Variants in PTGFRN observed in about 807,000 individuals in gnomAD.
PTGFRN encodes prostaglandin F2 receptor inhibitor, also known as prostaglandin F2 receptor negative regulator.
PTGFRN carries 35 observed loss-of-function variants against 83.2 expected under a neutral mutation model. That is an observed-to-expected ratio of 0.42 (90% CI 0.32 to 0.56). The LOEUF (loss-of-function observed/expected upper bound fraction) is 0.56. Ranked by LOEUF, PTGFRN falls within the 20% of genes least tolerant of loss-of-function variation. The probability of loss-of-function intolerance (pLI) is 0.11; values close to 1 mark genes in which losing one functional copy is unlikely to be tolerated. For synonymous variants in PTGFRN, 519 were observed against 498.6 expected (o/e 1.04, Z -0.55); for missense variants, 1,051 against 1,179.5 (o/e 0.89, Z 1.60).
At chr1:116,921,279 T>C (rs1423183912) in intron 1 of PTGFRN, among the ~76,000 whole-genome samples, 2 of 152,228 alleles carry the variant, frequency 1.3e-5, no homozygotes, top group Admixed American at 6.5e-5. Flanking sequence ...GAGAAGCGAA[T>C]ATTAGCTGAT....
rs963535440 is a variant in PTGFRN at position 116,910,155 on chromosome 1, G to A, written c.-49G>A. The A allele has an allele frequency of 6.6e-7, 1 of 1,516,040 alleles. No individual in the cohort carries two copies. Among genetic ancestry groups the A allele is most frequent in the Admixed American group, 2.0e-5 (1 of 49,998 alleles). The allele number at this position is 1,516,040 out of a possible 1,614,324, so 93.9% of individuals were successfully genotyped here. On this transcript the variant is annotated 5_prime_UTR_variant, in exon 1 of 9. Transcript: ENST00000393203. ...GAGCTGGAAGAGGAGGAGGAGGAGAGGCGGCGGGGAAGGAGGAGGAGGGGG... is the reference window on the plus strand; with the variant it reads ...GAGCTGGAAGAGGAGGAGGAGGAGAAGCGGCGGGGAAGGAGGAGGAGGGGG...
intron 3 of PTGFRN, among the ~76,000 whole-genome samples, chr1:116,948,130 G>A (rs1367754485): frequency 6.6e-6 from 1 of 152,214 alleles, no homozygotes; most frequent in Non-Finnish European, 1.5e-5. Context: ...TAGAAGGCCA[G>A]GGCTGTGCCT....
intron 2 of PTGFRN, among the ~76,000 whole-genome samples, chr1:116,943,084 T>C (rs1380906240): frequency 6.6e-6 from 1 of 152,212 alleles, no homozygotes; most frequent in Non-Finnish European, 1.5e-5. Flanking sequence ...ATGTATGTAA[T>C]TATCAGAAAG....
rs746091180 is a variant in PTGFRN, at chr1:116,961,015, G to C, written c.1214-228G>C. Among the ~76,000 whole-genome samples the C allele has an allele frequency of 6.6e-6, 1 of 152,122 alleles. No individual in the cohort carries two copies. On this transcript the variant is annotated intron_variant, in intron 4 of 8. Coordinates refer to ENST00000393203, the MANE Select transcript of PTGFRN (RefSeq NM_020440.4). This position sits in a 1 kb window ranked among gnomAD's most constrained non-coding sequence, Gnocchi z 5.4. ...CCGAGGACATTGGGCTTCTGTTCTT[G>C]GGAGGTTTTCTTGGGGTGGGAGGTA...
At chr1:116,971,559 T>A (rs1212985894) in intron 6 of PTGFRN, among the ~76,000 whole-genome samples, 1 of 152,166 alleles carries the variant, frequency 6.6e-6, no homozygotes, top group Non-Finnish European at 1.5e-5. Flanking sequence ...ACCACAGAAA[T>A]TGACCATAAT....
At chr1:116,980,895 G>C (rs1230333627) in intron 7 of PTGFRN, among the ~76,000 whole-genome samples, 2 of 152,116 alleles carry the variant, frequency 1.3e-5, no homozygotes, top group Non-Finnish European at 2.9e-5. Context: ...CATGGAGCTT[G>C]GCAACCTAGA....
Position 116,956,219 on chromosome 1 carries a change from G to A in PTGFRN, c.1214-5024G>A, listed in dbSNP as rs143006217. ...GATAGCTCAAATGAACCTGCCCCTCGTAAGTTCACAAGCCAAGAATCCACT... is the reference window on the plus strand; with the variant it reads ...GATAGCTCAAATGAACCTGCCCCTCATAAGTTCACAAGCCAAGAATCCACT... On this transcript the variant is annotated intron_variant, in intron 4 of 8. Transcript: ENST00000393203. Among the ~76,000 whole-genome samples the A allele has an allele frequency of 3.3e-3, 497 of 152,256 alleles. 1 individual carries two copies. Among genetic ancestry groups the A allele is most frequent in the African/African-American group, 0.011 (460 of 41,546 alleles).
rs1471302869 is a variant in PTGFRN, at chr1:116,958,335, C to T, written c.1214-2908C>T. On this transcript the variant is annotated intron_variant, in intron 4 of 8. Transcript: ENST00000393203. This position sits in a 1 kb window ranked among gnomAD's most constrained non-coding sequence, Gnocchi z 4.9. ...AGTGTCATGGCAGCACTGCACTCAGCGTTCCTAAAAATCATGTGTCAGTCA... is the reference window on the plus strand; with the variant it reads ...AGTGTCATGGCAGCACTGCACTCAGTGTTCCTAAAAATCATGTGTCAGTCA... Among the ~76,000 whole-genome samples the T allele has an allele frequency of 6.6e-6, 1 of 152,110 alleles. No individual in the cohort carries two copies. Among genetic ancestry groups the T allele is most frequent in the Non-Finnish European group, 1.5e-5 (1 of 68,026 alleles).
intron 1 of PTGFRN, 135 bp downstream of exon 1, chr1:116,910,387 C>A: frequency 1.3e-6 from 1 of 778,434 alleles, no homozygotes; most frequent in Non-Finnish European, 1.7e-6. Flanking sequence ...GGCCGGGGTG[C>A]GCGGGTTGTT....
At position 116,984,851 on chromosome 1, in the gene PTGFRN, T is replaced by G. The variant is rs917636354; in HGVS notation, c.2339T>G (p.Val780Gly). ...AGTGTGCTGGAATTCTTGCTGCAAG[T>G]GCATGGCTCCGAGGACCAGGACTTT... ...RVSVLEFLLQ[V>G]HGSEDQDFGN... The change falls in exon 8 of 9, where the codon GTG becomes GGG. Residue 780 changes from valine to glycine, a missense_variant. Around this residue, in one of 3 missense-constraint regions of PTGFRN, gnomAD observed 719 missense variants for 836.6 expected, o/e 0.86. Coordinates refer to ENST00000393203, the MANE Select transcript of PTGFRN (RefSeq NM_020440.4). 6.2e-7 allele frequency: 1 copy of G among 1,614,114 alleles called. No homozygotes were observed. Among genetic ancestry groups the G allele is most frequent in the Non-Finnish European group, 8.5e-7 (1 of 1,180,038 alleles).
intron 5 of PTGFRN, among the ~76,000 whole-genome samples, chr1:116,964,536 G>A (rs1014376015): frequency 2.0e-5 from 3 of 152,080 alleles, no homozygotes; most frequent in East Asian, 1.9e-4. Context: ...CTTGGACTTG[G>A]ACTTCTTTTC....
Position 116,958,407 on chromosome 1 carries a change from A to C in PTGFRN, c.1214-2836A>C, listed in dbSNP as rs998217614. 1.1e-4 allele frequency among the ~76,000 whole-genome samples: 17 copies of C among 152,204 alleles called. 1 individual carries two copies. The highest frequency in any genetic ancestry group is 5.9e-4 in the Admixed American group (9 of 15,284). On this transcript the variant is annotated intron_variant, in intron 4 of 8. Transcript: ENST00000393203. This position sits in a 1 kb window ranked among gnomAD's most constrained non-coding sequence, Gnocchi z 4.9. ...GTTTAGAAGACAGTAGGTTTGGTTC[A>C]TCTGTGAGCTAAGGATGCACTTGAA...
intron 1 of PTGFRN, among the ~76,000 whole-genome samples, chr1:116,938,409 G>A (rs757698028): frequency 6.6e-6 from 1 of 152,226 alleles, no homozygotes; most frequent in Non-Finnish European, 1.5e-5. Flanking sequence ...GGAAGGCAAG[G>A]AGGGGCAAGT....
intron 4 of PTGFRN, among the ~76,000 whole-genome samples, chr1:116,951,765 A>G (rs1252763182): frequency 1.3e-5 from 2 of 152,166 alleles, no homozygotes; most frequent in South Asian, 4.1e-4. Context: ...GGGCATGAGC[A>G]TAGCAGCAGA....
chr1:116,970,303 G>GT (rs900541569), intron 6 of PTGFRN, among the ~76,000 whole-genome samples: 4 of 150,918 alleles, frequency 2.7e-5, no homozygotes, highest in Non-Finnish European at 3.0e-5. Context: ...TCCATTCTTA[G>GT]TTTTTTTTTC....
chr1:116,945,774 T>G (rs1211357563), intron 3 of PTGFRN, among the ~76,000 whole-genome samples: 1 of 150,310 alleles, frequency 6.7e-6, no homozygotes, highest in Non-Finnish European at 1.5e-5. Flanking sequence ...AACCCTCTAC[T>G]GCAATTATAG....
At chr1:116,945,154 G>A in intron 3 of PTGFRN, 62 bp downstream of exon 3, 1 of 1,532,818 alleles carries the variant, frequency 6.5e-7, no homozygotes, top group Non-Finnish European at 8.8e-7. Context: ...GTGATACAAA[G>A]AACCGGGCCA....
chr1:116,950,073 G>A (rs1476283376), intron 4 of PTGFRN, among the ~76,000 whole-genome samples: 4 of 151,984 alleles, frequency 2.6e-5, no homozygotes, highest in Admixed American at 6.6e-5. Context: ...TAAAGGGCCC[G>A]CCTGCTTCTA....
chr1:116,960,151 G>C (rs538272587), intron 4 of PTGFRN, among the ~76,000 whole-genome samples: 1 of 152,188 alleles, frequency 6.6e-6, no homozygotes, highest in Non-Finnish European at 1.5e-5. Context: ...TGCATAGATG[G>C]CTTATGGGAG....
Sources: allele counts gnomAD v4.1 joint callset (sites outside exome capture counted in the v4.1 genomes callset), GRCh38; gene constraint gnomAD v4.1.1; regional missense constraint gnomAD v4.1.1; non-coding constraint Gnocchi (gnomAD v3.1); transcripts MANE v1.5; gene names NCBI Gene and HGNC (gene_info 2026-07-23, HGNC 2026-07-21).